Variants in NXPH1 observed in about 807,000 individuals in gnomAD.
NXPH1 encodes the protein neurexophilin-1.
Under a neutral mutation model 23.7 loss-of-function variants are expected in NXPH1, and 5 were observed. That is an observed-to-expected ratio of 0.21 (90% CI 0.11 to 0.44). The LOEUF is 0.44. Among genes scored for constraint, NXPH1 ranks in the 20% least tolerant of loss-of-function variants. The pLI, the probability that NXPH1 is intolerant of heterozygous loss-of-function variation, is 0.99. For synonymous variants in NXPH1, 144 were observed against 122.2 expected, an observed-to-expected ratio of 1.18 and a Z score of -1.18; for missense variants, 324 against 321.6, an observed-to-expected ratio of 1.01 and a Z score of -0.06.
chr7:8,674,627 G>A (rs1243201734), intron 2 of NXPH1, among the ~76,000 whole-genome samples: 1 of 152,102 alleles, frequency 6.6e-6, no homozygotes, highest in Non-Finnish European at 1.5e-5. Context: ...AAAGTAGAAG[G>A]CCAGAGATAA....
chr7:8,536,551 G>T (rs187539127), intron 2 of NXPH1, among the ~76,000 whole-genome samples: 240 of 152,020 alleles, frequency 1.6e-3, no homozygotes, highest in African/African-American at 5.4e-3. Flanking sequence ...TGGGGAAAGT[G>T]CTTAATAAGC....
intron 2 of NXPH1, among the ~76,000 whole-genome samples, chr7:8,741,042 T>A (rs541801953): frequency 6.6e-6 from 1 of 152,322 alleles, no homozygotes; most frequent in Non-Finnish European, 1.5e-5. Context: ...TTAACAAACA[T>A]CTTTCAATTT....
chr7:8,698,302 T>C (rs1779566766), intron 2 of NXPH1, among the ~76,000 whole-genome samples: 1 of 152,204 alleles, frequency 6.6e-6, no homozygotes, highest in Non-Finnish European at 1.5e-5. Flanking sequence ...TGCATAGTTT[T>C]ATTGTACACT....
At chr7:8,700,685 G>A (rs1049260905) in intron 2 of NXPH1, among the ~76,000 whole-genome samples, 9 of 152,096 alleles carry the variant, frequency 5.9e-5, no homozygotes, top group Admixed American at 5.2e-4. Context: ...AGCAGTGTTT[G>A]CAGAGAATTT....
chr7:8,583,262 C>T (rs1818917537), intron 2 of NXPH1, among the ~76,000 whole-genome samples: 1 of 152,210 alleles, frequency 6.6e-6, no homozygotes, highest in African/African-American at 2.4e-5. Context: ...CAACCATCTA[C>T]TATAGGTAGA....
chr7:8,485,225 G>A (rs543813854), intron 2 of NXPH1, among the ~76,000 whole-genome samples: 15 of 152,242 alleles, frequency 9.9e-5, no homozygotes, highest in Non-Finnish European at 1.9e-4. Context: ...TCCCCTGCAC[G>A]TGCTCTCTTG....
At position 8,702,216 on chromosome 7, in the gene NXPH1, T is replaced by C. The variant is rs181428447; in HGVS notation, c.55-48792T>C. On this transcript the variant is annotated intron_variant, in intron 2 of 2. Transcript: ENST00000405863. ...GCAAGAAGATCAGGTCATGTAGAAA[T>C]AGTACATGGCTCTATCACCTCAAAC... Among the ~76,000 whole-genome samples, 705 of 152,208 alleles carry C rather than the reference T, an allele frequency of 4.6e-3. 1 individual carries two copies. Among genetic ancestry groups the C allele is most frequent in the Non-Finnish European group, 7.4e-3 (500 of 67,978 alleles).
At chr7:8,722,835 T>C (rs769638378) in intron 2 of NXPH1, among the ~76,000 whole-genome samples, 3 of 152,216 alleles carry the variant, frequency 2.0e-5, no homozygotes, top group Non-Finnish European at 4.4e-5. Context: ...ACTTTAGCTC[T>C]ATGAGGCTCA....
chr7:8,517,225 G>T (rs1464861399), intron 2 of NXPH1, among the ~76,000 whole-genome samples: 1 of 152,144 alleles, frequency 6.6e-6, no homozygotes, highest in Non-Finnish European at 1.5e-5. Flanking sequence ...GAAGGACAGG[G>T]TGTTGCGGGG....
At chr7:8,482,425 T>A (rs1025834663) in intron 2 of NXPH1, among the ~76,000 whole-genome samples, 1 of 152,214 alleles carries the variant, frequency 6.6e-6, no homozygotes, top group Non-Finnish European at 1.5e-5. Flanking sequence ...GAAGTACTTA[T>A]TGTTTATATG....
intron 2 of NXPH1, among the ~76,000 whole-genome samples, chr7:8,582,462 C>T (rs1437023651): frequency 6.6e-6 from 1 of 152,158 alleles, no homozygotes; most frequent in Non-Finnish European, 1.5e-5. Flanking sequence ...TCGCAGGAGA[C>T]TTGGAGCATG....
chr7:8,689,827 T>C (rs1400488334), intron 2 of NXPH1, among the ~76,000 whole-genome samples: 1 of 152,192 alleles, frequency 6.6e-6, no homozygotes, highest in Non-Finnish European at 1.5e-5. Flanking sequence ...ACTTAGTGAC[T>C]GCTACTTAGC....
At chr7:8,681,605 C>A (rs1283895306) in intron 2 of NXPH1, among the ~76,000 whole-genome samples, 1 of 152,168 alleles carries the variant, frequency 6.6e-6, no homozygotes, top group East Asian at 1.9e-4. Flanking sequence ...ATGTAAAGGG[C>A]AATTACAATA....
intron 2 of NXPH1, among the ~76,000 whole-genome samples, chr7:8,612,237 T>C (rs943683096): frequency 2.0e-4 from 30 of 151,500 alleles, no homozygotes; most frequent in Admixed American, 1.8e-3. Flanking sequence ...TTTTACATTC[T>C]CCCCTTCCTT....
At chr7:8,497,609 C>T (rs62448063) in intron 2 of NXPH1, among the ~76,000 whole-genome samples, 11,299 of 152,142 alleles carry the variant, frequency 0.074, 467 homozygotes, top group South Asian at 0.089. Context: ...TCTCTGATGG[C>T]CAGTGATGAT....
intron 2 of NXPH1, among the ~76,000 whole-genome samples, chr7:8,540,678 T>TTGA (rs1818101833): frequency 6.6e-6 from 1 of 151,776 alleles, no homozygotes; most frequent in African/African-American, 2.4e-5. Context: ...TTCAGTGGAA[T>TTGA]AATAATTACC....
chr7:8,705,148 T>C (rs1779683137), intron 2 of NXPH1, among the ~76,000 whole-genome samples: 1 of 152,152 alleles, frequency 6.6e-6, no homozygotes, highest in Admixed American at 6.6e-5. Context: ...ATGTAGGGCA[T>C]ACAAAATTGT....
chr7:8,546,532 A>C (rs1818199921), intron 2 of NXPH1, among the ~76,000 whole-genome samples: 1 of 151,356 alleles, frequency 6.6e-6, no homozygotes, highest in African/African-American at 2.4e-5. Context: ...CCTCATGGTC[A>C]GATGTTCTGT....
At chr7:8,479,640 G>T (rs1817038236) in intron 2 of NXPH1, among the ~76,000 whole-genome samples, 2 of 152,256 alleles carry the variant, frequency 1.3e-5, no homozygotes, top group South Asian at 4.1e-4. Context: ...AGGACTTAGA[G>T]AAATGACTAA....
Sources: gnomAD v4.1 joint callset for allele counts (sites outside exome capture counted in the v4.1 genomes callset) on GRCh38, gnomAD v4.1.1 for gene constraint, MANE v1.5 for transcripts, NCBI Gene and HGNC (gene_info 2026-07-23, HGNC 2026-07-21) for gene names.